The following JMJD6 variants were observed in gnomAD, a reference collection of about 807,000 sequenced individuals.
The protein encoded by JMJD6 is jumonji domain containing 6, arginine demethylase and lysine hydroxylase.
In JMJD6, 17 loss-of-function variants were observed where a neutral mutation model predicts 45.8. The ratio of observed to expected loss-of-function variants is 0.37; its 90% CI spans 0.25 to 0.56. JMJD6 has a LOEUF of 0.56. Among genes scored for constraint, JMJD6 ranks in the 20% least tolerant of loss-of-function variants. JMJD6 has a pLI of 0.79. For missense variants in JMJD6, 470 were observed against 517.5 expected (o/e 0.91, Z 0.89); for synonymous variants, 221 against 196.3 (o/e 1.13, Z -1.05).
intron 3 of JMJD6, 100 bp from the exon 4 acceptor site, chr17:76,722,033 G>A (rs1408049538): frequency 2.4e-6 from 3 of 1,248,730 alleles, no homozygotes; most frequent in Non-Finnish European, 3.4e-6. Context: ...CCATAAGGGA[G>A]AGCCTACAGA....
downstream of JMJD6, chr17:76,716,725 G>A (rs775009745): frequency 2.5e-6 from 4 of 1,614,042 alleles, no homozygotes; most frequent in South Asian, 1.1e-5. Context: ...CCCTAATCCT[G>A]CCAAGGAAAG....
At chr17:76,724,678 G>A (rs979936082) in intron 2 of JMJD6, among the ~76,000 whole-genome samples, 1 of 151,928 alleles carries the variant, frequency 6.6e-6, no homozygotes, top group African/African-American at 2.4e-5. Flanking sequence ...TTAGCCGGGT[G>A]TGGTGGTGGG....
At chr17:76,717,884 G>A (rs1017621930), downstream of JMJD6, among the ~76,000 whole-genome samples, 5 of 152,040 alleles carry the variant, frequency 3.3e-5, no homozygotes, top group East Asian at 7.8e-4. Context: ...CCAGCTACTC[G>A]GGAGGCTGAG....
intron 2 of JMJD6, 24 bp from the exon 3 acceptor site, chr17:76,724,082 T>A (rs1598380587): frequency 6.2e-7 from 1 of 1,609,544 alleles, no homozygotes; most frequent in Non-Finnish European, 8.5e-7. Flanking sequence ...ATATCCAAGA[T>A]GTGAAGTGTA....
rs1474376737 is a variant in JMJD6 at position 76,723,851 on chromosome 17, C to G, written c.726G>C (p.Arg242=). 3 of 1,614,094 alleles carry G rather than the reference C, an allele frequency of 1.9e-6. No homozygotes were observed. Among genetic ancestry groups the G allele is most frequent in the Non-Finnish European group, 2.5e-6 (3 of 1,180,032 alleles). ...CAGGTGGCCAGGTTGGAAGCTGTGTCCGGGGATAAATAACATTAAACCAGG... is the reference window on the plus strand; with the variant it reads ...CAGGTGGCCAGGTTGGAAGCTGTGTGCGGGGATAAATAACATTAAACCAGG... ...AITWFNVIYP[R]TQLPTWPPEF... Residue 242 remains arginine, a synonymous_variant, in exon 3 of 6, where the codon CGG becomes CGC. Coordinates refer to ENST00000397625, the MANE Select transcript of JMJD6 (RefSeq NM_015167.3).
In JMJD6 at chr17:76,725,609, C is replaced by T; in HGVS notation, c.376G>A (p.Asp126Asn). The T allele has an allele frequency of 6.2e-7, 1 of 1,614,084 alleles. No homozygotes were observed. Among genetic ancestry groups the T allele is most frequent in the Non-Finnish European group, 8.5e-7 (1 of 1,180,008 alleles). The stretch of plus-strand genomic sequence containing the variant: ...TCAAAGATGTAAAGGGGACTATCAT[C>T]TCGAGTGCTCTCCATGTACTCGATG... The part of the protein sequence containing the change: ...YYIEYMESTR[D>N]DSPLYIFDSS... Residue 126 changes from aspartate to asparagine, a missense_variant, in exon 2 of 6, where the codon GAT becomes AAT. This residue lies in a region of JMJD6 where 346 missense variants were observed against 339.5 expected (regional missense o/e 1.02). Coordinates refer to ENST00000397625, the MANE Select transcript of JMJD6 (RefSeq NM_015167.3).
chr17:76,722,319 C>A (rs1369063386), intron 3 of JMJD6, among the ~76,000 whole-genome samples: 1 of 152,240 alleles, frequency 6.6e-6, no homozygotes, highest in Admixed American at 6.5e-5. Flanking sequence ...ACGAAGAGGA[C>A]ACCTACTTTA....
Position 76,724,022 on chromosome 17 carries a change from C to A in JMJD6, c.555G>T (p.Gly185=). 3 of 1,614,124 alleles carry A rather than the reference C, an allele frequency of 1.9e-6. No homozygotes were observed. Among genetic ancestry groups the A allele is most frequent in the South Asian group, 2.2e-5 (2 of 91,074 alleles). Residue 185 remains glycine, a synonymous_variant, in exon 3 of 6, where the codon GGG becomes GGT. Transcript: ENST00000397625. ...TGGTTCCCAGAGGGTCGATGTGAAT[C>A]CCAGTTCCGGAGCGTGGTGGCCCCA... ...FVMGPPRSGT[G]IHIDPLGTSA...
At chr17:76,716,648 T>C (rs1346298639), downstream of JMJD6, 1 of 1,610,094 alleles carries the variant, frequency 6.2e-7, no homozygotes, top group South Asian at 1.1e-5. Flanking sequence ...GCCAAAAGCT[T>C]ACGCTGAAAG....
At chr17:76,720,317 A>G (rs1246306921) in intron 5 of JMJD6, 43 bp downstream of exon 5, 1 of 1,592,576 alleles carries the variant, frequency 6.3e-7, no homozygotes, top group Non-Finnish European at 8.6e-7. Context: ...GAGTTACATG[A>G]GCCTTGGAGG....
At position 76,724,053 on chromosome 17, in the gene JMJD6, A is replaced by G; in HGVS notation, c.524T>C (p.Phe175Ser). Residue 175 changes from phenylalanine to serine, a missense_variant, in exon 3 of 6, where the codon TTT becomes TCT. By Grantham distance (155) the Phe-to-Ser change is radical. Transcript: ENST00000397625. ...TCCGGAGCGTGGTGGCCCCATCACA[A>G]ACCACCTACAGAATGGAGATATCCA... is the stretch of plus-strand genomic sequence containing the variant. ...GEKRRPPYRW[F>S]VMGPPRSGTG... The G allele has an allele frequency of 6.2e-7, 1 of 1,613,676 alleles. No individual in the cohort carries two copies. Among genetic ancestry groups the G allele is most frequent in the Non-Finnish European group, 8.5e-7 (1 of 1,179,648 alleles).
chr17:76,722,545 A>G (rs1030825144), intron 3 of JMJD6, among the ~76,000 whole-genome samples: 4 of 151,962 alleles, frequency 2.6e-5, no homozygotes, highest in African/African-American at 4.8e-5. Context: ...CTCCAATTCA[A>G]TTTACAGAAT....
intron 1 of JMJD6, 111 bp from the exon 2 acceptor site, chr17:76,725,966 T>C (rs2076917980): frequency 7.5e-7 from 1 of 1,325,266 alleles, no homozygotes; most frequent in Non-Finnish European, 1.0e-6. Flanking sequence ...AAGTTGACTC[T>C]CGTCTGGCTC....
chr17:76,726,265 G>A (rs905297742), intron 1 of JMJD6, 82 bp downstream of exon 1: 1 of 1,468,074 alleles, frequency 6.8e-7, no homozygotes, highest in Non-Finnish European at 9.0e-7. Context: ...TCGGGGCGAG[G>A]GCAGCCTCGG....
At chr17:76,714,486 T>TAC (rs1172511031), downstream of JMJD6, 2 of 152,306 alleles carry the variant, frequency 1.3e-5, no homozygotes, top group African/African-American at 4.8e-5. Context: ...CTTCCTAGTC[T>TAC]ACCTTGGCCA....
At position 76,725,784 on chromosome 17, in the gene JMJD6, G is replaced by C; in HGVS notation, c.201C>G (p.Tyr67Ter). 1 of 1,613,800 alleles carries C rather than the reference G, an allele frequency of 6.2e-7. No individual in the cohort carries two copies. The highest frequency in any genetic ancestry group is 8.5e-7 in the Non-Finnish European group (1 of 1,179,992). The change falls in exon 2 of 6, where the codon TAC becomes TAG. Residue 67 changes from tyrosine to a stop codon, truncating the protein, a stop_gained. Coordinates refer to ENST00000397625, the MANE Select transcript of JMJD6 (RefSeq NM_015167.3). LOFTEE classifies it high-confidence loss of function. ...EEFVERYERP[Y>*]KPVVLLNAQE... ...GCGCATTCAACAAAACCACGGGCTTGTAAGGTCTTTCATACCGCTCCACAA... is the reference window on the plus strand; with the variant it reads ...GCGCATTCAACAAAACCACGGGCTTCTAAGGTCTTTCATACCGCTCCACAA...
At position 76,719,593 on chromosome 17, in the gene JMJD6, T is replaced by C. The variant is rs143404686; in HGVS notation, c.1081-733A>G. Among the ~76,000 whole-genome samples the C allele has an allele frequency of 1.8e-3, 267 of 152,288 alleles. 1 individual carries two copies. The highest frequency in any genetic ancestry group is 6.1e-3 in the African/African-American group (252 of 41,578). ...CGTGAGCCACTGCGCCAGGCTGAGA[T>C]AGAAATTTCATCTGTTAAAGGTGCA... On this transcript the variant is annotated intron_variant, in intron 5 of 5. Coordinates refer to ENST00000397625, the MANE Select transcript of JMJD6 (RefSeq NM_015167.3).
intron 4 of JMJD6, 120 bp from the exon 5 acceptor site, chr17:76,720,618 A>C (rs2076811613): frequency 2.2e-6 from 2 of 921,696 alleles, no homozygotes; most frequent in African/African-American, 1.6e-5. Flanking sequence ...GTGTCCGTTC[A>C]GAATGGATAC....
chr17:76,717,634 G>C (rs1485129561), downstream of JMJD6, among the ~76,000 whole-genome samples: 1 of 151,926 alleles, frequency 6.6e-6, no homozygotes, highest in South Asian at 2.1e-4. Flanking sequence ...GATCACTTGA[G>C]GTGAGGAGTT....
Sources: gnomAD v4.1 joint callset for allele counts (sites outside exome capture counted in the v4.1 genomes callset) on GRCh38, gnomAD v4.1.1 for gene constraint, gnomAD v4.1.1 regional missense constraint, MANE v1.5 for transcripts, NCBI Gene and HGNC (gene_info 2026-07-23, HGNC 2026-07-21) for gene names.